The following STON1 variants were observed in gnomAD, a reference collection of about 807,000 sequenced individuals.
STON1 encodes the protein stonin 1.
Under a neutral mutation model 60.9 loss-of-function variants are expected in STON1, and 79 were observed. The ratio of observed to expected loss-of-function variants is 1.30; its 90% CI spans 1.08 to 1.56. STON1 has a LOEUF of 1.56. STON1 is among the 40% of genes most tolerant of loss of function. The pLI is 0.00. For synonymous variants in STON1, 363 were observed against 306.9 expected (o/e 1.18, Z -1.91); for missense variants, 1,166 against 858.9 (o/e 1.36, Z -4.47).
chr2:48,595,110 C>T, intron 3 of STON1, 118 bp from the exon 4 acceptor site: 1 of 780,258 alleles, frequency 1.3e-6, no homozygotes, highest in South Asian at 1.5e-5. Context: ...AGGGCTGTGT[C>T]TGTGTCCAAA....
At chr2:48,575,576 C>T (rs917620634) in intron 1 of STON1, among the ~76,000 whole-genome samples, 4 of 151,638 alleles carry the variant, frequency 2.6e-5, no homozygotes, top group Admixed American at 1.3e-4. Flanking sequence ...TCACTTGAAC[C>T]CGGGAGGCAG....
chr2:48,564,470 CTTCTTCTTCT>C (rs1558604525), intron 1 of STON1, among the ~76,000 whole-genome samples: 6 of 54,562 alleles, frequency 1.1e-4, no homozygotes, highest in African/African-American at 4.4e-4. Context: ...TCTTCTTCTT[CTTCTTCTTCT>C]TTCTTCTTCT....
chr2:48,531,075 T>C (rs1390623549), intron 1 of STON1: 1 of 152,224 alleles, frequency 6.6e-6, no homozygotes, highest in East Asian at 1.9e-4. Context: ...AGAGAATGCT[T>C]GCTAAAAATA....
At chr2:48,594,788 C>T (rs572986740) in intron 3 of STON1, among the ~76,000 whole-genome samples, 2 of 152,010 alleles carry the variant, frequency 1.3e-5, no homozygotes, top group East Asian at 3.9e-4. Flanking sequence ...TTTGCAGCAA[C>T]CTAATAGTTT....
chr2:48,593,230 C>G (rs936826133), intron 3 of STON1, among the ~76,000 whole-genome samples: 1 of 133,464 alleles, frequency 7.5e-6, no homozygotes, highest in Non-Finnish European at 1.8e-5. Context: ...ATTCTCCTGC[C>G]TCAGCCTCCC....
intron 1 of STON1, among the ~76,000 whole-genome samples, chr2:48,547,959 T>A (rs890947920): frequency 6.6e-6 from 1 of 152,256 alleles, no homozygotes; most frequent in African/African-American, 2.4e-5. Flanking sequence ...AGTTTTTTTC[T>A]GCTTCTCATG....
At chr2:48,553,624 A>T (rs1351658297) in intron 1 of STON1, among the ~76,000 whole-genome samples, 1 of 151,958 alleles carries the variant, frequency 6.6e-6, no homozygotes, top group Non-Finnish European at 1.5e-5. Context: ...AGTAGCTGGG[A>T]TTACAGGCAC....
chr2:48,544,990 A>G (rs984455257), intron 1 of STON1, among the ~76,000 whole-genome samples: 3 of 152,200 alleles, frequency 2.0e-5, no homozygotes, highest in Non-Finnish European at 4.4e-5. Context: ...TTGTGGCTTG[A>G]GGCAGAGCCT....
chr2:48,594,975 A>G (rs17397852), intron 3 of STON1, among the ~76,000 whole-genome samples: 10,533 of 152,222 alleles, frequency 0.069, 504 homozygotes, highest in Non-Finnish European at 0.097. Context: ...TATAAAAACT[A>G]CGTTTGACTT....
At chr2:48,548,010 A>G (rs995142010) in intron 1 of STON1, among the ~76,000 whole-genome samples, 3 of 152,212 alleles carry the variant, frequency 2.0e-5, no homozygotes, top group African/African-American at 7.2e-5. Context: ...TTCAGATCCC[A>G]TAGCCCTTCC....
At chr2:48,590,135 TG>T (rs910404346) in intron 2 of STON1, among the ~76,000 whole-genome samples, 10 of 152,212 alleles carry the variant, frequency 6.6e-5, no homozygotes, top group African/African-American at 2.4e-4. Flanking sequence ...AAAAGAGTAA[TG>T]GGGTTTGCAA....
At chr2:48,572,021 G>C (rs896174421) in intron 1 of STON1, among the ~76,000 whole-genome samples, 2 of 152,120 alleles carry the variant, frequency 1.3e-5, no homozygotes, top group African/African-American at 4.8e-5. Context: ...AAATTAGCCT[G>C]GCATGGTGGT....
chr2:48,582,977 C>G (rs1352564450), intron 2 of STON1, among the ~76,000 whole-genome samples: 1 of 152,216 alleles, frequency 6.6e-6, no homozygotes, highest in East Asian at 1.9e-4. Flanking sequence ...GCATTCTCAG[C>G]TGATACCACT....
intron 2 of STON1, among the ~76,000 whole-genome samples, chr2:48,589,175 T>G (rs184255962): frequency 1.2e-4 from 19 of 152,324 alleles, no homozygotes; most frequent in African/African-American, 4.3e-4. Context: ...GGTTGCTCTC[T>G]CCTCCTCCAC....
chr2:48,597,344 C>G lies in STON1; in HGVS notation c.*2042C>G, dbSNP rs887282928. ...GCTCAGAACGAATGTGGAGGCCGGC[C>G]GAAACTGATGCTGCCCACAGTCCCA... On this transcript the variant is annotated 3_prime_UTR_variant, in exon 4 of 4. Transcript: ENST00000404752. 1.3e-5 allele frequency: 2 copies of G among 152,088 alleles called. No individual in the cohort carries two copies. Among genetic ancestry groups the G allele is most frequent in the African/African-American group, 4.8e-5 (2 of 41,376 alleles). 9.4% of individuals were successfully genotyped at this position (152,088 alleles called of 1,614,324 possible).
intron 1 of STON1, among the ~76,000 whole-genome samples, chr2:48,571,414 CT>C (rs1245913788): frequency 5.9e-5 from 9 of 152,284 alleles, no homozygotes; most frequent in Non-Finnish European, 1.2e-4. Context: ...GTGGTCTGCT[CT>C]GGATTGTCAT....
chr2:48,589,131 C>G (rs1452565644), intron 2 of STON1, among the ~76,000 whole-genome samples: 1 of 152,124 alleles, frequency 6.6e-6, no homozygotes, highest in African/African-American at 2.4e-5. Context: ...TTCGACTTTT[C>G]TCTTTTTTTC....
chr2:48,533,926 T>C (rs1180729318), intron 1 of STON1, among the ~76,000 whole-genome samples: 2 of 151,888 alleles, frequency 1.3e-5, no homozygotes, highest in Non-Finnish European at 2.9e-5. Flanking sequence ...TGTGCCACCA[T>C]GCCTGGCTAA....
In STON1 at chr2:48,557,682, C is replaced by T. The variant is rs544685776; in HGVS notation, c.-47-22905C>T. Among the ~76,000 whole-genome samples, 300 of 69,260 alleles carry T rather than the reference C, an allele frequency of 4.3e-3. 58 individuals carry two copies. Among genetic ancestry groups the T allele is most frequent in the African/African-American group, 0.014 (276 of 20,014 alleles). 45.4% of individuals were successfully genotyped at this position (69,260 alleles called of 152,430 possible). A position where few individuals can be genotyped will look rare whatever the true frequency, so the allele number is the denominator to read the frequency against. ...GTGAACGAGACTCCGTCTGCAATCC[C>T]GGCACCTCGGGAGGCCGAGGTTGGC... On this transcript the variant is annotated intron_variant, in intron 1 of 3. Transcript: ENST00000404752.
Sources: allele counts gnomAD v4.1 joint callset (sites outside exome capture counted in the v4.1 genomes callset), GRCh38; gene constraint gnomAD v4.1.1; transcripts MANE v1.5; gene names NCBI Gene and HGNC (gene_info 2026-07-23, HGNC 2026-07-21).